The following MED12L variants were observed in gnomAD, a reference collection of about 807,000 sequenced individuals.
MED12L encodes the protein mediator complex subunit 12L, also known as mediator of RNA polymerase II transcription subunit 12-like protein.
Under a neutral mutation model 281.3 loss-of-function variants are expected in MED12L, and 60 were observed. The observed-to-expected ratio is 0.21, with a 90% CI of 0.17 to 0.26. The LOEUF is 0.26. MED12L is among the 10% of genes least tolerant of loss of function. The pLI is 1.00. For missense variants in MED12L, 2,146 were observed against 2,680.9 expected (o/e 0.80, Z 4.41); for synonymous variants, 974 against 987.2 (o/e 0.99, Z 0.25).
chr3:151,393,624 C>T (rs1714582221), intron 38 of MED12L, among the ~76,000 whole-genome samples: 2 of 151,972 alleles, frequency 1.3e-5, no homozygotes, highest in African/African-American at 4.8e-5. Context: ...ATATAGCCTT[C>T]TATCTTTGTA....
chr3:151,327,674 T>A (rs141189011), intron 16 of MED12L: 1 of 192,690 alleles, frequency 5.2e-6, no homozygotes, highest in Non-Finnish European at 1.0e-5. Flanking sequence ...GGGAGGTTTG[T>A]AGGGATATAC....
chr3:151,184,580 C>T (rs894369747), intron 11 of MED12L, among the ~76,000 whole-genome samples: 4 of 152,170 alleles, frequency 2.6e-5, no homozygotes, highest in Non-Finnish European at 5.9e-5. Flanking sequence ...GCTCACCACT[C>T]GCTGCACCCC....
intron 11 of MED12L, among the ~76,000 whole-genome samples, chr3:151,179,332 C>T (rs1008301600): frequency 1.3e-5 from 2 of 149,058 alleles, no homozygotes; most frequent in East Asian, 2.0e-4. Flanking sequence ...AGAGCCAGAC[C>T]GAAAAAAAAA....
chr3:151,189,087 A>G (rs1227492425), intron 13 of MED12L, among the ~76,000 whole-genome samples: 3 of 152,228 alleles, frequency 2.0e-5, no homozygotes, highest in Non-Finnish European at 2.9e-5. Flanking sequence ...TCATATGACA[A>G]AATGCAACAG....
chr3:151,211,519 T>C (rs913002315), intron 16 of MED12L, among the ~76,000 whole-genome samples: 4 of 152,108 alleles, frequency 2.6e-5, no homozygotes, highest in Non-Finnish European at 4.4e-5. Context: ...TGACCCAGAA[T>C]TGGGAACTAT....
At chr3:151,259,891 C>T (rs1738531907) in intron 16 of MED12L, among the ~76,000 whole-genome samples, 1 of 152,178 alleles carries the variant, frequency 6.6e-6, no homozygotes, top group Non-Finnish European at 1.5e-5. Flanking sequence ...TTAGTTCATC[C>T]TGTTCTGTCC....
At chr3:151,253,367 A>G (rs116332184) in intron 16 of MED12L, among the ~76,000 whole-genome samples, 1,636 of 152,300 alleles carry the variant, frequency 0.011, 35 homozygotes, top group African/African-American at 0.038. Context: ...GAGTGGAGCA[A>G]CAGCAGCATA....
intron 42 of MED12L, among the ~76,000 whole-genome samples, chr3:151,415,123 T>G (rs1717395862): frequency 6.6e-6 from 1 of 152,220 alleles, no homozygotes; most frequent in African/African-American, 2.4e-5. Context: ...GTTTTAAATC[T>G]TATGTTGGTG....
intron 16 of MED12L, among the ~76,000 whole-genome samples, chr3:151,304,700 C>T (rs942505613): frequency 6.6e-6 from 1 of 152,072 alleles, no homozygotes; most frequent in African/African-American, 2.4e-5. Context: ...AATTACAGCC[C>T]CAGCTCTGTT....
rs562680127 is a variant in MED12L at position 151,368,262 on chromosome 3, T to C, written c.3550+11T>C. 3.7e-6 allele frequency: 6 copies of C among 1,608,378 alleles called. No individual in the cohort carries two copies. In the African/African-American group the frequency reaches 8.0e-5, roughly 21 times the overall value. ...TACCTCAAGCAACGGGTGAGCTGAC[T>C]GCAGAAAAATCTGATTACCTTTTCA... On this transcript the variant is annotated intron_variant, in intron 25 of 44. Coordinates refer to ENST00000687756, the MANE Select transcript of MED12L (RefSeq NM_001393769.1).
intron 16 of MED12L, among the ~76,000 whole-genome samples, chr3:151,211,792 C>T (rs933078946): frequency 1.3e-5 from 2 of 152,114 alleles, no homozygotes; most frequent in African/African-American, 2.4e-5. Context: ...GGACTATCGG[C>T]GTATGCCACG....
chr3:151,363,589 G>C (rs766853334), intron 21 of MED12L, among the ~76,000 whole-genome samples: 1 of 152,170 alleles, frequency 6.6e-6, no homozygotes, highest in Non-Finnish European at 1.5e-5. Context: ...TTGCAAACTT[G>C]TATCCTTCAA....
chr3:151,198,503 T>A (rs1359297697), intron 16 of MED12L: 1 of 1,613,670 alleles, frequency 6.2e-7, no homozygotes, highest in Non-Finnish European at 8.5e-7. Flanking sequence ...CTCAGTGACC[T>A]TTGAGCGGAA....
chr3:151,160,796 G>A lies in MED12L; in HGVS notation c.1107+695G>A, dbSNP rs570000037. ...CAAATAATATGACAAGGGCTGTTGG[G>A]GAGATACACAGGGGGCCAAGGCAGT... On this transcript the variant is annotated intron_variant, in intron 8 of 44. Transcript: ENST00000687756. Among the ~76,000 whole-genome samples, 103 of 152,296 alleles carry A rather than the reference G, an allele frequency of 6.8e-4. 1 individual carries two copies. The South Asian group carries it at 0.014, about 21-fold the overall frequency.
At chr3:151,257,281 T>G (rs1161287529) in intron 16 of MED12L, among the ~76,000 whole-genome samples, 1 of 152,238 alleles carries the variant, frequency 6.6e-6, no homozygotes, top group East Asian at 1.9e-4. Context: ...GTTTAAATAT[T>G]TTCAGAACCT....
Position 151,357,271 on chromosome 3 carries a change from C to T in MED12L, c.2720C>T (p.Ala907Val). The T allele has an allele frequency of 6.2e-7, 1 of 1,613,540 alleles. No individual in the cohort carries two copies. The highest frequency in any genetic ancestry group is 1.3e-5 in the African/African-American group (1 of 74,986). The change falls in exon 20 of 45, where the codon GCA becomes GTA. Residue 907 changes from alanine to valine, a missense_variant. By Grantham distance (64) the Ala-to-Val change is moderately conservative. Coordinates refer to ENST00000687756, the MANE Select transcript of MED12L (RefSeq NM_001393769.1). ...AELLLKSSSL[A>V]GSYTTGLCVC... ...CTGCTCCTAAAATCCTCCAGCCTGG[C>T]AGGAAGTTATACAACAGGACTGTGT...
At chr3:151,193,235 G>A (rs1724211006) in intron 15 of MED12L, among the ~76,000 whole-genome samples, 1 of 152,146 alleles carries the variant, frequency 6.6e-6, no homozygotes, top group African/African-American at 2.4e-5. Flanking sequence ...AGCTTTCCAG[G>A]TAGTGTAGAC....
chr3:151,380,609 A>C (rs1170251476), intron 32 of MED12L, among the ~76,000 whole-genome samples: 2 of 152,086 alleles, frequency 1.3e-5, no homozygotes, highest in African/African-American at 2.4e-5. Context: ...AAAAAAAAAA[A>C]AAAAAACAAC....
rs1218162982 is a variant in MED12L, at chr3:151,434,706, A to ATTAT, written c.*1905_*1908dup. On this transcript the variant is annotated 3_prime_UTR_variant, in exon 45 of 45. Coordinates refer to ENST00000687756, the MANE Select transcript of MED12L (RefSeq NM_001393769.1). The stretch of plus-strand genomic sequence containing the variant: ...CCTAGTGAGTGAGTCATGTTCCATC[A>ATTAT]TTATTTCTTTCCAAATTTCTTTGCC... 2.6e-5 allele frequency: 4 copies of ATTAT among 152,212 alleles called. No homozygotes were observed. The highest frequency in any genetic ancestry group is 7.2e-5 in the African/African-American group (3 of 41,436). The allele number at this position is 152,212 out of a possible 1,614,324, so 9.4% of individuals were successfully genotyped here. A position where few individuals can be genotyped will look rare whatever the true frequency, so the allele number is the denominator to read the frequency against.
Sources: gnomAD v4.1 joint callset for allele counts (sites outside exome capture counted in the v4.1 genomes callset) on GRCh38, gnomAD v4.1.1 for gene constraint, MANE v1.5 for transcripts, NCBI Gene and HGNC (gene_info 2026-07-23, HGNC 2026-07-21) for gene names.